The following CHD6 variants were observed in gnomAD, a reference collection of about 807,000 sequenced individuals.
CHD6 encodes chromodomain helicase DNA binding protein 6.
CHD6 carries 50 observed loss-of-function variants against 276.9 expected under a neutral mutation model. The observed-to-expected ratio is 0.18, with a 90% CI of 0.14 to 0.23. The LOEUF is 0.23. CHD6 is among the 10% of genes least tolerant of loss of function. CHD6 has a pLI of 1.00. For synonymous variants in CHD6, 1,173 were observed against 1,229.3 expected, an observed-to-expected ratio of 0.95 and a Z score of 0.96; for missense variants, 2,564 against 3,365.8, an observed-to-expected ratio of 0.76 and a Z score of 5.89.
intron 1 of CHD6, among the ~76,000 whole-genome samples, chr20:41,613,591 C>T (rs573275629): frequency 1.3e-5 from 2 of 152,296 alleles, no homozygotes; most frequent in Admixed American, 1.3e-4. Context: ...CTTCCCCAAG[C>T]CCAGGCCAAG....
At chr20:41,501,445 C>T (rs2043827466) in intron 5 of CHD6, among the ~76,000 whole-genome samples, 1 of 152,100 alleles carries the variant, frequency 6.6e-6, no homozygotes, top group South Asian at 2.1e-4. Context: ...CTTCTACCAC[C>T]GTAGACTGGT....
intron 1 of CHD6, among the ~76,000 whole-genome samples, chr20:41,575,365 C>T (rs926411707): frequency 4.6e-5 from 7 of 152,134 alleles, no homozygotes; most frequent in East Asian, 3.8e-4. Flanking sequence ...CACCCTCTAC[C>T]GGTAACAATA....
At chr20:41,431,375 C>G (rs1457013018) in intron 27 of CHD6, among the ~76,000 whole-genome samples, 1 of 152,166 alleles carries the variant, frequency 6.6e-6, no homozygotes, top group Non-Finnish European at 1.5e-5. Flanking sequence ...AAGCTAGAAT[C>G]AACAGAAGAG....
At chr20:41,410,590 T>G (rs113763450) in intron 36 of CHD6, among the ~76,000 whole-genome samples, 4 of 152,328 alleles carry the variant, frequency 2.6e-5, no homozygotes, top group Admixed American at 2.0e-4. Context: ...GCCCGAGGTC[T>G]TCTTCTTGCC....
intron 29 of CHD6, 53 bp downstream of exon 29, chr20:41,425,125 A>G: frequency 6.8e-7 from 1 of 1,472,722 alleles, no homozygotes; most frequent in Non-Finnish European, 9.5e-7. Flanking sequence ...TTACCTTTTG[A>G]AAACTTTACC....
At chr20:41,560,038 T>C (rs553782644) in intron 1 of CHD6, among the ~76,000 whole-genome samples, 1 of 152,080 alleles carries the variant, frequency 6.6e-6, no homozygotes, top group East Asian at 1.9e-4. Context: ...CCTTGGTTCC[T>C]CTCCAGTCGA....
intron 25 of CHD6, among the ~76,000 whole-genome samples, chr20:41,444,735 G>A (rs1462874745): frequency 6.6e-6 from 1 of 152,130 alleles, no homozygotes; most frequent in Non-Finnish European, 1.5e-5. Context: ...ACCAAGCACT[G>A]TTCTAGGTGG....
rs1455615815 is a variant in CHD6 at position 41,493,464 on chromosome 20, T to TGG, written c.1314+72_1314+73dup. On this transcript the variant is annotated intron_variant, in intron 10 of 36. Coordinates refer to ENST00000373233, the MANE Select transcript of CHD6 (RefSeq NM_032221.5). ...AGAAACCACCTAGGAACAAGCCAGG[T>TGG]GGACTTCCATGATTGCAAAGTTCAT... 12 of 1,454,960 alleles carry TGG rather than the reference T, an allele frequency of 8.2e-6. No individual in the cohort carries two copies. The African/African-American group carries it at 1.7e-4, about 20-fold the overall frequency. The allele number at this position is 1,454,960 out of a possible 1,614,324, so 90.1% of individuals were successfully genotyped here. A position where few individuals can be genotyped will look rare whatever the true frequency, so the allele number is the denominator to read the frequency against.
chr20:41,563,774 A>G (rs1313390583), intron 1 of CHD6, among the ~76,000 whole-genome samples: 2 of 152,164 alleles, frequency 1.3e-5, no homozygotes, highest in Non-Finnish European at 2.9e-5. Context: ...CATAATGTCA[A>G]TTGACCCAGA....
In CHD6 at chr20:41,533,091, G is replaced by A; in HGVS notation, c.513C>T (p.Ser171=). The A allele has an allele frequency of 6.2e-7, 1 of 1,611,820 alleles. No individual in the cohort carries two copies. The highest frequency in any genetic ancestry group is 2.2e-5 in the East Asian group (1 of 44,874). The change falls in exon 3 of 37, where the codon AGC becomes AGT. Residue 171 remains serine, a synonymous_variant. Coordinates refer to ENST00000373233, the MANE Select transcript of CHD6 (RefSeq NM_032221.5). ...TCGTCCTGGCTGCAGAGTCAGTGCA[G>A]CTCCTCTTCTCTTTGGCCTCCTTGG... The part of the protein sequence containing the change: ...SGTKEAKEKR[S]CTDSAARTKS...
At chr20:41,611,154 G>C (rs1300687310) in intron 1 of CHD6, among the ~76,000 whole-genome samples, 3 of 152,148 alleles carry the variant, frequency 2.0e-5, no homozygotes, top group African/African-American at 7.2e-5. Context: ...AATATAAATA[G>C]ATAAATAACT....
Position 41,416,791 on chromosome 20 carries a change from G to A in CHD6, c.6283C>T (p.Arg2095Cys), listed in dbSNP as rs773282688. The A allele has an allele frequency of 1.9e-5, 29 of 1,552,328 alleles. No individual in the cohort carries two copies. The highest frequency in any genetic ancestry group is 2.3e-5 in the East Asian group (1 of 43,198). Residue 2095 changes from arginine to cysteine, a missense_variant, in exon 33 of 37, where the codon CGC (arginine) becomes TGC (cysteine). Coordinates refer to ENST00000373233, the MANE Select transcript of CHD6 (RefSeq NM_032221.5). ...TTATCTAGGCGGTTAATTATCACGC[G>A]GTCCTAGAAAAAAGGATAAAGCTCT... ...LYSFSEWPKD[R>C]VIINRLDNIC...
intron 32 of CHD6, among the ~76,000 whole-genome samples, 158 bp downstream of exon 32, chr20:41,417,039 TG>T (rs1486718794): frequency 6.6e-6 from 1 of 152,246 alleles, no homozygotes; most frequent in African/African-American, 2.4e-5. Flanking sequence ...GTTAAGCGCA[TG>T]TATCTTTAAT....
chr20:41,554,887 G>C (rs922804230), intron 1 of CHD6, among the ~76,000 whole-genome samples: 3 of 152,186 alleles, frequency 2.0e-5, no homozygotes, highest in Non-Finnish European at 1.5e-5. Flanking sequence ...TTCTCAATGA[G>C]CTGTTGGGTA....
rs1380062361 is a variant in CHD6 at position 41,403,261 on chromosome 20, C to T, written c.*1332G>A. On this transcript the variant is annotated 3_prime_UTR_variant, in exon 37 of 37. Transcript: ENST00000373233. The stretch of plus-strand genomic sequence containing the variant: ...TTTCCAAGGGTCCTGCGCAGCCCTG[C>T]GCCCCCAGAGTACTGAACCATGAGC... 9 of 1,061,498 alleles carry T rather than the reference C, an allele frequency of 8.5e-6. No individual in the cohort carries two copies. The highest frequency in any genetic ancestry group is 4.9e-5 in the African/African-American group (3 of 60,852). 65.8% of individuals were successfully genotyped at this position (1,061,498 alleles called of 1,614,324 possible).
intron 16 of CHD6, among the ~76,000 whole-genome samples, chr20:41,476,353 A>G (rs937011767): frequency 6.6e-6 from 1 of 152,052 alleles, no homozygotes; most frequent in Non-Finnish European, 1.5e-5. Flanking sequence ...GGCACCCTGG[A>G]AAAAACCTCT....
intron 24 of CHD6, 56 bp from the exon 25 acceptor site, chr20:41,445,824 G>A (rs998828092): frequency 1.6e-5 from 17 of 1,074,616 alleles, no homozygotes; most frequent in Non-Finnish European, 2.2e-5. Flanking sequence ...GTCCAACCCT[G>A]GTATTAGGCC....
chr20:41,563,406 T>C (rs1366940467), intron 1 of CHD6, among the ~76,000 whole-genome samples: 1 of 152,180 alleles, frequency 6.6e-6, no homozygotes, highest in Non-Finnish European at 1.5e-5. Flanking sequence ...TGAGATGATA[T>C]AAAGGTATAA....
intron 10 of CHD6, 52 bp from the exon 11 acceptor site, chr20:41,491,871 A>G (rs1278103981): frequency 6.3e-7 from 1 of 1,595,336 alleles, no homozygotes; most frequent in East Asian, 2.2e-5. Flanking sequence ...TTTTAGGAGC[A>G]TAACATGGAT....
Sources: gnomAD v4.1 joint callset for allele counts (sites outside exome capture counted in the v4.1 genomes callset) on GRCh38, gnomAD v4.1.1 for gene constraint, MANE v1.5 for transcripts, NCBI Gene and HGNC (gene_info 2026-07-23, HGNC 2026-07-21) for gene names.